SMAD2: variants seen among roughly 807,000 people sequenced by gnomAD.
SMAD2 encodes MAD homolog 2.
SMAD2 carries 8 observed loss-of-function variants against 64.4 expected under a neutral mutation model. The ratio of observed to expected loss-of-function variants is 0.12; its 90% CI spans 0.07 to 0.22. SMAD2 has a LOEUF of 0.22. Among genes scored for constraint, SMAD2 ranks in the 10% least tolerant of loss-of-function variants. SMAD2 has a pLI of 1.00. For synonymous variants in SMAD2, 203 were observed against 195.8 expected (o/e 1.04, Z -0.31); for missense variants, 289 against 561.2 (o/e 0.51, Z 4.90).
chr18:47,852,890 A>G (rs1211566994), intron 6 of SMAD2, among the ~76,000 whole-genome samples: 1 of 152,190 alleles, frequency 6.6e-6, no homozygotes, highest in African/African-American at 2.4e-5. Context: ...ATTTTAAAAC[A>G]CATTTGCTAT....
chr18:47,829,958 A>T lies in SMAD2; in HGVS notation c.*11869T>A, dbSNP rs1024918744. The T allele has an allele frequency of 1.3e-5, 2 of 152,248 alleles. No homozygotes were observed. Among genetic ancestry groups the T allele is most frequent in the African/African-American group, 4.8e-5 (2 of 41,476 alleles). 9.4% of individuals were successfully genotyped at this position (152,248 alleles called of 1,614,324 possible). A position where few individuals can be genotyped will look rare whatever the true frequency, so the allele number is the denominator to read the frequency against. On this transcript the variant is annotated 3_prime_UTR_variant, in exon 11 of 11. Coordinates refer to ENST00000262160, the MANE Select transcript of SMAD2 (RefSeq NM_005901.6). ...GAATTTCCCTTTGCCTACAAGTCTA[A>T]GTAACTTGCAGCAGCAAATTCCCCC...
rs1912702202 is a variant in SMAD2, at chr18:47,825,128, T to C, written c.*16699A>G. The C allele has an allele frequency of 6.6e-6, 1 of 152,246 alleles. No individual in the cohort carries two copies. Among genetic ancestry groups the C allele is most frequent in the African/African-American group, 2.4e-5 (1 of 41,464 alleles). The allele number at this position is 152,246 out of a possible 1,614,324, so 9.4% of individuals were successfully genotyped here. On this transcript the variant is annotated 3_prime_UTR_variant, in exon 11 of 11. Coordinates refer to ENST00000262160, the MANE Select transcript of SMAD2 (RefSeq NM_005901.6). ...CAGGAACGTGATAATCAAAAGTTGT[T>C]GTGGGACCATTCAAGATGAGCGTGG... is the stretch of plus-strand genomic sequence containing the variant.
At chr18:47,881,265 T>C (rs1278328770) in intron 2 of SMAD2, among the ~76,000 whole-genome samples, 1 of 152,196 alleles carries the variant, frequency 6.6e-6, no homozygotes, top group African/African-American at 2.4e-5. Context: ...CCCTCTTCAT[T>C]TGTTTAACTT....
At chr18:47,866,316 C>CAAAAAAAAAAAA (rs34302955) in intron 5 of SMAD2, among the ~76,000 whole-genome samples, 12 of 42,094 alleles carry the variant, frequency 2.9e-4, no homozygotes, top group African/African-American at 1.2e-3. Context: ...AACACCGTCT[C>CAAAAAAAAAAAA]AAAAAAAAAA....
At chr18:47,861,723 A>C (rs1171667157) in intron 6 of SMAD2, among the ~76,000 whole-genome samples, 1 of 152,164 alleles carries the variant, frequency 6.6e-6, no homozygotes, top group African/African-American at 2.4e-5. Flanking sequence ...AACCACAAAA[A>C]TCAAGTGCTT....
Position 47,841,644 on chromosome 18 carries a change from T to C in SMAD2, c.*183A>G, listed in dbSNP as rs1458284651. ...ATGGGAGAGTATTTCTAGACACTAA[T>C]TTTCCCATCTAATATTCAAATATAG... On this transcript the variant is annotated 3_prime_UTR_variant, in exon 11 of 11. Coordinates refer to ENST00000262160, the MANE Select transcript of SMAD2 (RefSeq NM_005901.6). 1.5e-6 allele frequency: 1 copy of C among 650,028 alleles called. No homozygotes were observed. Among genetic ancestry groups the C allele is most frequent in the Admixed American group, 2.5e-5 (1 of 40,618 alleles). 40.3% of individuals were successfully genotyped at this position (650,028 alleles called of 1,614,324 possible).
intron 6 of SMAD2, among the ~76,000 whole-genome samples, chr18:47,857,370 ATCT>A (rs1264427025): frequency 1.3e-4 from 20 of 152,330 alleles, no homozygotes; most frequent in African/African-American, 4.8e-4. Context: ...GTGCGATAGC[ATCT>A]TAGGTTTTAC....
chr18:47,813,442 T>C lies in SMAD2; in HGVS notation c.*28385A>G, dbSNP rs1178270486. On this transcript the variant is annotated 3_prime_UTR_variant, in exon 11 of 11. Transcript: ENST00000262160. ...TTTTTTTTGAGATGGAGTCTTGCAA[T>C]GTCACCCAGGCTGGAGTGCAGTGGC... 1.4e-5 allele frequency: 2 copies of C among 144,052 alleles called. No homozygotes were observed. Among genetic ancestry groups the C allele is most frequent in the Non-Finnish European group, 3.0e-5 (2 of 66,516 alleles). The allele number at this position is 144,052 out of a possible 1,614,324, so 8.9% of individuals were successfully genotyped here.
In SMAD2 at chr18:47,926,448, C is replaced by A. The variant is rs75539944; in HGVS notation, c.-54+3913G>T. On this transcript the variant is annotated intron_variant, in intron 1 of 10. Coordinates refer to ENST00000262160, the MANE Select transcript of SMAD2 (RefSeq NM_005901.6). ...GTGTCTTGTAGATTATCTCTATTAT[C>A]CTCACCGAGCTGTTATCTGTTTTTT... 5.5e-3 allele frequency among the ~76,000 whole-genome samples: 834 copies of A among 152,264 alleles called. 8 individuals are homozygous for A. The highest frequency in any genetic ancestry group is 0.019 in the African/African-American group (805 of 41,536).
rs1912788130 is a variant in SMAD2 at position 47,827,273 on chromosome 18, C to T, written c.*14554G>A. The stretch of plus-strand genomic sequence containing the variant: ...GTTAAAAATGGCCTTTAAGATATTG[C>T]TATTCCCAGTCAAGAAATACCCAGA... On this transcript the variant is annotated 3_prime_UTR_variant, in exon 11 of 11. Coordinates refer to ENST00000262160, the MANE Select transcript of SMAD2 (RefSeq NM_005901.6). The T allele has an allele frequency of 6.6e-6, 1 of 152,152 alleles. No individual in the cohort carries two copies. Among genetic ancestry groups the T allele is most frequent in the African/African-American group, 2.4e-5 (1 of 41,422 alleles). The allele number at this position is 152,152 out of a possible 1,614,324, so 9.4% of individuals were successfully genotyped here.
chr18:47,887,116 CACTCT>C (rs1258150677), intron 2 of SMAD2, among the ~76,000 whole-genome samples: 3 of 152,120 alleles, frequency 2.0e-5, no homozygotes, highest in Non-Finnish European at 4.4e-5. Context: ...CTTCCACCAC[CACTCT>C]AGTCATTGCT....
chr18:47,869,143 G>C (rs1450852084), intron 4 of SMAD2, 100 bp downstream of exon 4: 3 of 833,776 alleles, frequency 3.6e-6, no homozygotes, highest in Non-Finnish European at 5.9e-6. Context: ...TAATTTATTA[G>C]AATTTACACT....
chr18:47,860,799 G>A lies in SMAD2; in HGVS notation c.730+4260C>T, dbSNP rs574845340. ...AAACTATATGATCCTCTTTATAAAC[G>A]CAGAAAAAAAATTTGACAAAATTCA... On this transcript the variant is annotated intron_variant, in intron 6 of 10. Coordinates refer to ENST00000262160, the MANE Select transcript of SMAD2 (RefSeq NM_005901.6). Among the ~76,000 whole-genome samples the A allele has an allele frequency of 4.6e-5, 7 of 151,646 alleles. No individual in the cohort carries two copies. In the East Asian group the frequency reaches 7.8e-4, roughly 17 times the overall value.
rs1442569934 is a variant in SMAD2, at chr18:47,827,270, T to C, written c.*14557A>G. 1 of 152,164 alleles carries C rather than the reference T, an allele frequency of 6.6e-6. No individual in the cohort carries two copies. The highest frequency in any genetic ancestry group is 6.5e-5 in the Admixed American group (1 of 15,270). The allele number at this position is 152,164 out of a possible 1,614,324, so 9.4% of individuals were successfully genotyped here. On this transcript the variant is annotated 3_prime_UTR_variant, in exon 11 of 11. Transcript: ENST00000262160. Reference sequence around the variant, plus strand: ...CTTGTTAAAAATGGCCTTTAAGATATTGCTATTCCCAGTCAAGAAATACCC... The same window carrying C: ...CTTGTTAAAAATGGCCTTTAAGATACTGCTATTCCCAGTCAAGAAATACCC...
At chr18:47,848,953 T>G (rs1914807376) in intron 7 of SMAD2, among the ~76,000 whole-genome samples, 1 of 152,230 alleles carries the variant, frequency 6.6e-6, no homozygotes, top group African/African-American at 2.4e-5. Flanking sequence ...TTGGATTCTT[T>G]GTTTTACCAG....
Position 47,831,948 on chromosome 18 carries a change from A to G in SMAD2, c.*9879T>C, listed in dbSNP as rs1328608490. On this transcript the variant is annotated 3_prime_UTR_variant, in exon 11 of 11. Transcript: ENST00000262160. ...TTTGATGAGAAGGGTGAATCTGTCA[A>G]AGGGTAAGCTGGATAACTGTATGTT... The G allele has an allele frequency of 6.6e-6, 1 of 152,150 alleles. No homozygotes were observed. The highest frequency in any genetic ancestry group is 1.5e-5 in the Non-Finnish European group (1 of 68,030). 9.4% of individuals were successfully genotyped at this position (152,150 alleles called of 1,614,324 possible).
At chr18:47,911,646 G>A (rs1013424536) in intron 1 of SMAD2, among the ~76,000 whole-genome samples, 6 of 152,326 alleles carry the variant, frequency 3.9e-5, no homozygotes, top group East Asian at 1.9e-4. Context: ...ATAGGATTAT[G>A]TAACTTTCTT....
intron 6 of SMAD2, among the ~76,000 whole-genome samples, chr18:47,855,050 T>G (rs1335028192): frequency 6.6e-6 from 1 of 152,348 alleles, no homozygotes; most frequent in East Asian, 1.9e-4. Context: ...ATCTTTCTAC[T>G]GCTTCCATAG....
At chr18:47,914,414 C>CT (rs1215461268) in intron 1 of SMAD2, among the ~76,000 whole-genome samples, 2 of 152,278 alleles carry the variant, frequency 1.3e-5, no homozygotes, top group East Asian at 3.9e-4. Context: ...TAAGAACCAA[C>CT]TGGGGTTAGG....
Sources: allele counts gnomAD v4.1 joint callset (sites outside exome capture counted in the v4.1 genomes callset), GRCh38; gene constraint gnomAD v4.1.1; transcripts MANE v1.5; gene names NCBI Gene and HGNC (gene_info 2026-07-23, HGNC 2026-07-21).